The following TAFA1 variants were observed in gnomAD, a reference collection of about 807,000 sequenced individuals.
TAFA1 encodes the protein chemokine-like protein TAFA-1.
A neutral mutation model predicts 18.5 loss-of-function variants in TAFA1; 4 were observed. That is an observed-to-expected ratio of 0.22 (90% CI 0.11 to 0.49). The LOEUF (loss-of-function observed/expected upper bound fraction) is 0.49. Ranked by LOEUF, TAFA1 falls within the 20% of genes least tolerant of loss-of-function variation. The pLI is 0.98. For missense variants in TAFA1, 147 were observed against 169.0 expected (o/e 0.87, Z 0.72); for synonymous variants, 56 against 55.2 (o/e 1.01, Z -0.06).
chr3:68,192,480 T>G (rs2066354211), intron 2 of TAFA1: 1 of 204,098 alleles, frequency 4.9e-6, no homozygotes, highest in Non-Finnish European at 1.1e-5. Flanking sequence ...AGCACCATTA[T>G]GATGTGCCTT....
intron 2 of TAFA1, among the ~76,000 whole-genome samples, chr3:68,366,992 C>T (rs988285474): frequency 6.6e-6 from 1 of 152,136 alleles, no homozygotes; most frequent in Non-Finnish European, 1.5e-5. Flanking sequence ...ACTGTCCTTA[C>T]CCCCCAGTTC....
intron 2 of TAFA1, among the ~76,000 whole-genome samples, chr3:68,020,649 T>A (rs534689380): frequency 6.6e-6 from 1 of 152,282 alleles, no homozygotes; most frequent in Admixed American, 6.5e-5. Flanking sequence ...AAGATGCACA[T>A]AGAAGTTTTA....
intron 2 of TAFA1, among the ~76,000 whole-genome samples, chr3:68,253,634 T>C (rs754217132): frequency 6.6e-6 from 1 of 152,138 alleles, no homozygotes; most frequent in Non-Finnish European, 1.5e-5. Context: ...CAGGTGATGA[T>C]TGGGTTATGT....
chr3:68,330,831 G>A (rs961939270), intron 2 of TAFA1, among the ~76,000 whole-genome samples: 4 of 152,080 alleles, frequency 2.6e-5, no homozygotes, highest in African/African-American at 9.7e-5. Flanking sequence ...ATCTGGCTGT[G>A]ACATTTTCTA....
chr3:68,380,012 C>T (rs12108165), intron 2 of TAFA1, among the ~76,000 whole-genome samples: 2,298 of 151,392 alleles, frequency 0.015, 60 homozygotes, highest in South Asian at 0.048. Context: ...TGAGAACATG[C>T]GGTGTTTGGT....
rs3828366 is a variant in TAFA1, at chr3:68,538,733, A to G, written c.260-23A>G. ...GGTTGTTTGGATGAATTGCAAACAC[A>G]GTTGTTTCCTGTTTCTGCACAGCCT... On this transcript the variant is annotated intron_variant, in intron 3 of 4. Coordinates refer to ENST00000478136, the MANE Select transcript of TAFA1 (RefSeq NM_213609.4). The G allele has an allele frequency of 2.5e-6, 4 of 1,611,880 alleles. No individual in the cohort carries two copies. The East Asian group carries it at 8.9e-5, about 36-fold the overall frequency.
At chr3:68,161,504 A>T (rs1350846261) in intron 2 of TAFA1, among the ~76,000 whole-genome samples, 1 of 152,204 alleles carries the variant, frequency 6.6e-6, no homozygotes, top group African/African-American at 2.4e-5. Context: ...GCAATGTAGG[A>T]GCTGTGTAAA....
At chr3:68,192,981 G>A (rs1468983714) in intron 2 of TAFA1, among the ~76,000 whole-genome samples, 1 of 151,722 alleles carries the variant, frequency 6.6e-6, no homozygotes, top group Admixed American at 6.6e-5. Context: ...CAAAGTTGAG[G>A]TTGTCTCTAT....
intron 2 of TAFA1, among the ~76,000 whole-genome samples, chr3:68,333,678 T>C (rs1044940039): frequency 1.3e-5 from 2 of 152,180 alleles, no homozygotes; most frequent in Non-Finnish European, 2.9e-5. Context: ...TTTGTGGTTG[T>C]ATAACCAAAG....
intron 3 of TAFA1, among the ~76,000 whole-genome samples, chr3:68,447,697 C>G (rs1559674113): frequency 6.6e-6 from 1 of 152,200 alleles, no homozygotes; most frequent in Non-Finnish European, 1.5e-5. Flanking sequence ...GACTCATGAA[C>G]TGAATAATGC....
intron 2 of TAFA1, among the ~76,000 whole-genome samples, chr3:68,405,020 C>A (rs1350699562): frequency 1.3e-5 from 2 of 152,044 alleles, no homozygotes; most frequent in African/African-American, 4.8e-5. Flanking sequence ...ATTCCAATGG[C>A]ATTTTCTTCA....
At chr3:68,420,004 C>T (rs920431318) in intron 3 of TAFA1, among the ~76,000 whole-genome samples, 1 of 152,126 alleles carries the variant, frequency 6.6e-6, no homozygotes, top group African/African-American at 2.4e-5. Flanking sequence ...TTTTTACCTT[C>T]TCATAAATTA....
chr3:68,029,512 A>C lies in TAFA1; in HGVS notation c.118+22768A>C, dbSNP rs188546419. On this transcript the variant is annotated intron_variant, in intron 2 of 4. Transcript: ENST00000478136. ...TAAGTAAATCAAACATCAGTTCTAA[A>C]ATTTAAGTTAAATAAATCAGTAAAA... 1.1e-3 allele frequency among the ~76,000 whole-genome samples: 167 copies of C among 152,336 alleles called. 1 individual carries two copies. Among genetic ancestry groups the C allele is most frequent in the Non-Finnish European group, 2.0e-3 (134 of 68,024 alleles).
chr3:68,250,365 C>A (rs758692547), intron 2 of TAFA1, among the ~76,000 whole-genome samples: 2 of 152,188 alleles, frequency 1.3e-5, no homozygotes, highest in African/African-American at 2.4e-5. Flanking sequence ...TCATATAAGA[C>A]ATACTTGCTC....
intron 2 of TAFA1, among the ~76,000 whole-genome samples, chr3:68,110,464 A>G (rs1358908997): frequency 6.6e-6 from 1 of 152,204 alleles, no homozygotes; most frequent in Non-Finnish European, 1.5e-5. Context: ...TTATAATAGA[A>G]TGATTTATAT....
intron 2 of TAFA1, among the ~76,000 whole-genome samples, chr3:68,196,737 A>T (rs2066415296): frequency 6.6e-6 from 1 of 151,738 alleles, no homozygotes; most frequent in Admixed American, 6.6e-5. Flanking sequence ...TTCACTATGC[A>T]GAAAGATGGC....
chr3:68,438,764 C>T (rs1046555373), intron 3 of TAFA1, among the ~76,000 whole-genome samples: 13 of 152,128 alleles, frequency 8.5e-5, no homozygotes. Context: ...TTCTGCAAGC[C>T]TGCAGAATTA....
chr3:68,469,744 G>A (rs911480990), intron 3 of TAFA1, among the ~76,000 whole-genome samples: 1 of 152,188 alleles, frequency 6.6e-6, no homozygotes, highest in South Asian at 2.1e-4. Context: ...TACTGGGTCA[G>A]ACCACTGGCT....
rs2107030895 is a variant in TAFA1, at chr3:68,197,817, G to A, written c.118+191073G>A. Among the ~76,000 whole-genome samples the A allele has an allele frequency of 2.0e-5, 3 of 151,828 alleles. No homozygotes were observed. In the South Asian group the frequency reaches 6.2e-4, roughly 31 times the overall value. ...CATTTGGAAAGCTAAGATCTGTGAG[G>A]TATATAGTGTTATTTGTCACTCTGC... is the stretch of plus-strand genomic sequence containing the variant. On this transcript the variant is annotated intron_variant, in intron 2 of 4. Coordinates refer to ENST00000478136, the MANE Select transcript of TAFA1 (RefSeq NM_213609.4).
Sources: allele counts gnomAD v4.1 joint callset (sites outside exome capture counted in the v4.1 genomes callset), GRCh38; gene constraint gnomAD v4.1.1; transcripts MANE v1.5; gene names NCBI Gene and HGNC (gene_info 2026-07-23, HGNC 2026-07-21).